The following LRMDA variants were observed in gnomAD, a reference collection of about 807,000 sequenced individuals.
LRMDA encodes the protein leucine rich melanocyte differentiation associated, also known as leucine-rich melanocyte differentiation-associated protein.
Under a neutral mutation model 29.8 loss-of-function variants are expected in LRMDA, and 18 were observed. The ratio of observed to expected loss-of-function variants is 0.60; its 90% CI spans 0.42 to 0.90. LRMDA has a LOEUF of 0.90. Among genes scored for constraint, LRMDA ranks in the 40% least tolerant of loss-of-function variants. The probability of loss-of-function intolerance (pLI) is 0.00; values close to 1 mark genes in which losing one functional copy is unlikely to be tolerated. For synonymous variants in LRMDA, 125 were observed against 109.4 expected, an observed-to-expected ratio of 1.14 and a Z score of -0.89; for missense variants, 273 against 273.9, an observed-to-expected ratio of 1.00 and a Z score of 0.02.
chr10:75,528,237 T>C (rs1025112557), intron 2 of LRMDA, among the ~76,000 whole-genome samples: 1 of 152,224 alleles, frequency 6.6e-6, no homozygotes, highest in Non-Finnish European at 1.5e-5. Flanking sequence ...AAAATATCTC[T>C]GAAAGTTGTA....
chr10:75,635,403 T>C (rs1462282200), intron 2 of LRMDA, among the ~76,000 whole-genome samples: 1 of 152,148 alleles, frequency 6.6e-6, no homozygotes, highest in Non-Finnish European at 1.5e-5. Context: ...ATTTAATGAC[T>C]TTTGAGGAGT....
Position 76,039,917 on chromosome 10 carries a change from A to G in LRMDA, c.258+3783A>G, listed in dbSNP as rs568691689. ...ACTCATCTGGTTTGACTTGGGCCACATTGTAACCAAGGCCAGAGTACAGAT... is the reference window on the plus strand; with the variant it reads ...ACTCATCTGGTTTGACTTGGGCCACGTTGTAACCAAGGCCAGAGTACAGAT... On this transcript the variant is annotated intron_variant, in intron 3 of 6. Transcript: ENST00000611255. 1.4e-3 allele frequency among the ~76,000 whole-genome samples: 211 copies of G among 152,350 alleles called. 2 individuals carry two copies. The highest frequency in any genetic ancestry group is 2.5e-3 in the Non-Finnish European group (168 of 68,038).
At chr10:75,443,520 G>A (rs114327076) in intron 2 of LRMDA, among the ~76,000 whole-genome samples, 2,364 of 152,156 alleles carry the variant, frequency 0.016, 20 homozygotes, top group African/African-American at 0.028. Context: ...TATTGATTGC[G>A]TATGTTAAAC....
intron 5 of LRMDA, among the ~76,000 whole-genome samples, chr10:76,237,952 G>C (rs1193125571): frequency 2.0e-5 from 3 of 151,890 alleles, no homozygotes; most frequent in Non-Finnish European, 4.4e-5. Flanking sequence ...CACCACGCCT[G>C]GCTAATTTTT....
At chr10:76,323,274 T>C (rs1273746264) in intron 5 of LRMDA, among the ~76,000 whole-genome samples, 1 of 151,838 alleles carries the variant, frequency 6.6e-6, no homozygotes, top group Non-Finnish European at 1.5e-5. Flanking sequence ...ATTTAAAGGG[T>C]TTTTCTAGCA....
chr10:75,675,203 C>G (rs1330930835), intron 2 of LRMDA, among the ~76,000 whole-genome samples: 1 of 152,188 alleles, frequency 6.6e-6, no homozygotes, highest in East Asian at 1.9e-4. Context: ...AAACATTTTA[C>G]TTACAGCAAA....
chr10:76,476,984 T>C (rs980778958), intron 6 of LRMDA, among the ~76,000 whole-genome samples: 65 of 151,950 alleles, frequency 4.3e-4, no homozygotes, highest in Non-Finnish European at 6.5e-4. Context: ...CCTTTGAAAA[T>C]GGGCACAAGA....
At chr10:75,861,397 A>G (rs1240199022) in intron 2 of LRMDA, among the ~76,000 whole-genome samples, 1 of 152,252 alleles carries the variant, frequency 6.6e-6, no homozygotes, top group South Asian at 2.1e-4. Flanking sequence ...TTAAGTGTGA[A>G]TAATGGGAGA....
At position 76,213,983 on chromosome 10, in the gene LRMDA, A is replaced by G. The variant is rs116737571; in HGVS notation, c.517-110418A>G. Among the ~76,000 whole-genome samples, 1,149 of 152,284 alleles carry G rather than the reference A, an allele frequency of 7.5e-3. 19 individuals are homozygous for G. Among genetic ancestry groups the G allele is most frequent in the African/African-American group, 0.026 (1,064 of 41,544 alleles). ...TCATGCAATGTTAGGGACACTGCAC[A>G]TCTACCTGGATCAGGGCCTGGATTC... is the stretch of plus-strand genomic sequence containing the variant. On this transcript the variant is annotated intron_variant, in intron 5 of 6. Transcript: ENST00000611255.
At chr10:75,577,072 G>A (rs1056494385) in intron 2 of LRMDA, among the ~76,000 whole-genome samples, 2 of 151,918 alleles carry the variant, frequency 1.3e-5, no homozygotes, top group Non-Finnish European at 2.9e-5. Context: ...TCAGAAGGTG[G>A]GTAATAATAA....
At chr10:75,629,635 G>A (rs1467196775) in intron 2 of LRMDA, among the ~76,000 whole-genome samples, 1 of 151,918 alleles carries the variant, frequency 6.6e-6, no homozygotes, top group African/African-American at 2.4e-5. Context: ...TACTAGCAAA[G>A]CCTGAAAGTT....
rs1843578882 is a variant in LRMDA at position 76,557,999 on chromosome 10, T to C, written c.*711T>C. On this transcript the variant is annotated 3_prime_UTR_variant, in exon 7 of 7. Coordinates refer to ENST00000611255, the MANE Select transcript of LRMDA (RefSeq NM_001305581.2). Reference sequence around the variant, plus strand: ...GCGTAAATAGCTTTCCCTAAATCCCTGACTACAAAAGCGTGGACTTTTATC... The same window carrying C: ...GCGTAAATAGCTTTCCCTAAATCCCCGACTACAAAAGCGTGGACTTTTATC... 6.6e-6 allele frequency: 1 copy of C among 152,294 alleles called. No individual in the cohort carries two copies. 9.4% of individuals were successfully genotyped at this position (152,294 alleles called of 1,614,324 possible).
intron 5 of LRMDA, among the ~76,000 whole-genome samples, chr10:76,207,955 C>T (rs1851567466): frequency 1.3e-5 from 2 of 151,992 alleles, no homozygotes; most frequent in Non-Finnish European, 2.9e-5. Context: ...CAGAACGAGA[C>T]TCCATCTCAA....
intron 2 of LRMDA, among the ~76,000 whole-genome samples, chr10:75,827,585 C>T (rs563445718): frequency 6.6e-6 from 1 of 152,288 alleles, no homozygotes; most frequent in South Asian, 2.1e-4. Flanking sequence ...ATGTCTTCTG[C>T]TCAGTACAAG....
chr10:76,383,247 C>T (rs74419876), intron 6 of LRMDA, among the ~76,000 whole-genome samples: 1 of 152,092 alleles, frequency 6.6e-6, no homozygotes, highest in East Asian at 1.9e-4. Flanking sequence ...TAACAGGCAC[C>T]TGCCAATGCC....
At chr10:75,764,069 G>A (rs1843130503) in intron 2 of LRMDA, among the ~76,000 whole-genome samples, 1 of 151,948 alleles carries the variant, frequency 6.6e-6, no homozygotes, top group African/African-American at 2.4e-5. Flanking sequence ...CCCGGCTGAG[G>A]GTGGGGCTGG....
At chr10:75,854,078 G>A (rs1334438688) in intron 2 of LRMDA, among the ~76,000 whole-genome samples, 1 of 152,132 alleles carries the variant, frequency 6.6e-6, no homozygotes, top group African/African-American at 2.4e-5. Flanking sequence ...TAGAGTTGTG[G>A]TTATGTAATG....
intron 6 of LRMDA, among the ~76,000 whole-genome samples, chr10:76,373,064 G>A (rs1324113901): frequency 1.3e-5 from 2 of 152,138 alleles, no homozygotes; most frequent in Non-Finnish European, 2.9e-5. Flanking sequence ...GAGGAGTGGT[G>A]TTTGACCCTT....
chr10:75,605,623 C>T (rs577327003), intron 2 of LRMDA, among the ~76,000 whole-genome samples: 44 of 152,336 alleles, frequency 2.9e-4, no homozygotes, highest in Admixed American at 1.1e-3. Flanking sequence ...CCCCTCCTGC[C>T]GCTGCTCTAA....
Sources: allele counts gnomAD v4.1 joint callset (sites outside exome capture counted in the v4.1 genomes callset), GRCh38; gene constraint gnomAD v4.1.1; transcripts MANE v1.5; gene names NCBI Gene and HGNC (gene_info 2026-07-23, HGNC 2026-07-21).